ERI1: variants seen among roughly 807,000 people sequenced by gnomAD.
ERI1 encodes 3'-5' exoribonuclease 1.
A neutral mutation model predicts 39.7 loss-of-function variants in ERI1; 39 were observed. That is an observed-to-expected ratio of 0.98 (90% CI 0.76 to 1.28). ERI1 has a LOEUF of 1.28. Ranked by LOEUF, ERI1 falls within the 50% of genes most tolerant of loss-of-function variation. The probability of loss-of-function intolerance (pLI) is 0.00; values close to 1 mark genes in which losing one functional copy is unlikely to be tolerated. For missense variants in ERI1, 581 were observed against 416.9 expected (o/e 1.39, Z -3.43); for synonymous variants, 204 against 149.6 (o/e 1.36, Z -2.65).
intron 3 of ERI1, among the ~76,000 whole-genome samples, chr8:9,084,645 C>G (rs1263119005): frequency 6.6e-6 from 1 of 152,156 alleles, no homozygotes; most frequent in Non-Finnish European, 1.5e-5. Context: ...CAGGTCAGCT[C>G]TGCAATGGCA....
intron 3 of ERI1, among the ~76,000 whole-genome samples, chr8:9,097,515 A>G (rs1414334350): frequency 6.6e-6 from 1 of 152,170 alleles, no homozygotes; most frequent in Non-Finnish European, 1.5e-5. Flanking sequence ...CTAAAAATAC[A>G]AAAATTAGCC....
rs143967538 is a variant in ERI1, at chr8:9,098,379, G to A, written n.300-17969G>A. On this transcript the variant is annotated intron_variant and non_coding_transcript_variant, in intron 3 of 3. Transcript: ENST00000518663. ...TACTAAAAATACAAAAAATTAGTTG[G>A]GTGTGGTAGCTTGAGCTGTAATCTC... 7.0e-3 allele frequency among the ~76,000 whole-genome samples: 1,060 copies of A among 152,310 alleles called. 11 individuals are homozygous for A. The highest frequency in any genetic ancestry group is 0.024 in the African/African-American group (1,007 of 41,560).
intron 3 of ERI1, among the ~76,000 whole-genome samples, chr8:9,078,477 A>G (rs531861594): frequency 1.6e-4 from 24 of 152,254 alleles, no homozygotes; most frequent in African/African-American, 5.5e-4. Context: ...GTAAGGTTGG[A>G]ATTCAAACTC....
intron 6 of ERI1, among the ~76,000 whole-genome samples, chr8:9,026,242 C>G (rs117720141): frequency 6.6e-6 from 1 of 152,200 alleles, no homozygotes; most frequent in Non-Finnish European, 1.5e-5. Context: ...CTGTATAACA[C>G]TTGTTGTTCA....
intron 3 of ERI1, among the ~76,000 whole-genome samples, chr8:9,070,531 G>A (rs1034248187): frequency 1.3e-5 from 2 of 152,128 alleles, no homozygotes; most frequent in Non-Finnish European, 2.9e-5. Context: ...TTATATTTGG[G>A]ATACATTGGC....
At chr8:9,063,733 A>G (rs1359534804) in intron 3 of ERI1, among the ~76,000 whole-genome samples, 1 of 152,196 alleles carries the variant, frequency 6.6e-6, no homozygotes, top group Non-Finnish European at 1.5e-5. Context: ...AACAAGAATT[A>G]TTTAGATCTT....
intron 1 of ERI1, among the ~76,000 whole-genome samples, chr8:9,004,485 C>CTTTTTTTTTTTTTTTTT (rs71201904): frequency 3.8e-5 from 3 of 78,304 alleles, no homozygotes; most frequent in African/African-American, 1.0e-4. Context: ...TATAGTGATA[C>CTTTTTTTTTTTTTTTTT]TTTTTTTTTT....
chr8:9,009,744 T>A (rs547645913), intron 2 of ERI1, among the ~76,000 whole-genome samples: 1 of 152,180 alleles, frequency 6.6e-6, no homozygotes, highest in South Asian at 2.1e-4. Flanking sequence ...TTCTCCATGT[T>A]GCCCAGGCTG....
chr8:9,074,433 T>A (rs1422699146), intron 3 of ERI1, among the ~76,000 whole-genome samples: 1 of 152,078 alleles, frequency 6.6e-6, no homozygotes, highest in African/African-American at 2.4e-5. Flanking sequence ...TCCATATTTT[T>A]AAATTTAAAT....
In ERI1 at chr8:9,030,026, A is replaced by G. The variant is rs759148289; in HGVS notation, c.1042A>G (p.Arg348Gly). 29 of 1,584,890 alleles carry G rather than the reference A, an allele frequency of 1.8e-5. No homozygotes were observed. The highest frequency in any genetic ancestry group is 2.0e-5 in the Non-Finnish European group (23 of 1,165,952). The stretch of plus-strand genomic sequence containing the variant: ...TCCACCACCACAAATGCCACATTTT[A>G]GAAAGTAACAACAGTTTTGTGTGTG... ...GTPPPQMPHF[R>G]K The change falls in exon 7 of 7, where the codon AGA becomes GGA. Residue 348 changes from arginine (R) to glycine (G), a missense_variant. Physicochemically the swap from Arg to Gly is moderately radical, Grantham distance 125 (BLOSUM62 -2). Transcript: ENST00000250263.
intron 6 of ERI1, among the ~76,000 whole-genome samples, chr8:9,021,871 C>G (rs1341896988): frequency 6.7e-6 from 1 of 148,188 alleles, no homozygotes; most frequent in Non-Finnish European, 1.5e-5. Context: ...CATTGTGTGA[C>G]TATACCAGAT....
chr8:9,003,154 C>T lies in ERI1; in HGVS notation c.91C>T (p.Pro31Ser), dbSNP rs977794049. The change falls in exon 1 of 7, where the codon CCG (proline) becomes TCG (serine). Residue 31 changes from proline (P) to serine (S), a missense_variant. Physicochemically the swap from Pro to Ser is moderately conservative, Grantham distance 74. Coordinates refer to ENST00000250263, the MANE Select transcript of ERI1 (RefSeq NM_153332.4). ...GCGGCCGGAGGGCGGGGAGGAGCCG[C>T]CGCGTCCCAGTCCCGAGGTGAGGAG... ...SPRPEGGEEP[P>S]RPSPEETQQC... 2 of 1,243,776 alleles carry T rather than the reference C, an allele frequency of 1.6e-6. No homozygotes were observed. The highest frequency in any genetic ancestry group is 3.1e-5 in the African/African-American group (2 of 64,464). The allele number at this position is 1,243,776 out of a possible 1,614,324, so 77.0% of individuals were successfully genotyped here.
At chr8:9,008,358 A>G (rs1341136245) in intron 2 of ERI1, among the ~76,000 whole-genome samples, 2 of 152,196 alleles carry the variant, frequency 1.3e-5, no homozygotes, top group Non-Finnish European at 2.9e-5. Flanking sequence ...ATCAAAGTCA[A>G]ATATTTTAAT....
chr8:9,061,440 G>A (rs13266077), intron 3 of ERI1, among the ~76,000 whole-genome samples: 49 of 152,034 alleles, frequency 3.2e-4, no homozygotes, highest in African/African-American at 1.2e-3. Flanking sequence ...AAATAGACTT[G>A]GGAAGTTATG....
intron 3 of ERI1, among the ~76,000 whole-genome samples, chr8:9,015,738 A>AAAAAAAAAAAAAAAAAAG (rs1563318556): frequency 6.6e-6 from 1 of 151,128 alleles, no homozygotes; most frequent in African/African-American, 2.4e-5. Flanking sequence ...AAAAAAAAAA[A>AAAAAAAAAAAAAAAAAAG]AAAGAGACCA....
chr8:9,060,832 CG>C (rs1285054019), intron 3 of ERI1, among the ~76,000 whole-genome samples: 3 of 152,120 alleles, frequency 2.0e-5, no homozygotes, highest in African/African-American at 4.8e-5. Flanking sequence ...GGATCTGATG[CG>C]TTTTGATGCC....
intron 6 of ERI1, among the ~76,000 whole-genome samples, chr8:9,026,215 G>T (rs1456052389): frequency 2.0e-5 from 3 of 152,136 alleles, no homozygotes; most frequent in African/African-American, 4.8e-5. Context: ...GGGTTTTTGG[G>T]ATTAGGAATG....
chr8:9,042,930 G>T (rs558685110), intron 3 of ERI1, among the ~76,000 whole-genome samples: 2 of 152,186 alleles, frequency 1.3e-5, no homozygotes, highest in South Asian at 4.1e-4. Flanking sequence ...GCTCCCACGC[G>T]CAGTGCCGTA....
chr8:9,094,500 C>T (rs1285132316), intron 3 of ERI1, among the ~76,000 whole-genome samples: 1 of 152,188 alleles, frequency 6.6e-6, no homozygotes, highest in Non-Finnish European at 1.5e-5. Flanking sequence ...GTTTGCTCTG[C>T]GCACAGGGTA....
Sources: allele counts gnomAD v4.1 joint callset (sites outside exome capture counted in the v4.1 genomes callset), GRCh38; gene constraint gnomAD v4.1.1; transcripts MANE v1.5; gene names NCBI Gene and HGNC (gene_info 2026-07-23, HGNC 2026-07-21).